FAM193A: variants seen among roughly 807,000 people sequenced by gnomAD.
The protein encoded by FAM193A is family with sequence similarity 193 member A.
FAM193A carries 22 observed loss-of-function variants against 126.5 expected under a neutral mutation model. The observed-to-expected ratio is 0.17, with a 90% CI of 0.12 to 0.25. The LOEUF is 0.25. Ranked by LOEUF, FAM193A falls within the 10% of genes least tolerant of loss-of-function variation. FAM193A has a pLI of 1.00. For synonymous variants in FAM193A, 761 were observed against 646.8 expected (o/e 1.18, Z -2.68); for missense variants, 1,675 against 1,672.8 (o/e 1.00, Z -0.02).
chr4:2,682,348 G>T (rs1266373881), intron 13 of FAM193A, among the ~76,000 whole-genome samples: 1 of 151,984 alleles, frequency 6.6e-6, no homozygotes, highest in East Asian at 1.9e-4. Flanking sequence ...TTTATTTTTA[G>T]AGATGGACTC....
chr4:2,651,173 A>G (rs1745625776), intron 7 of FAM193A, among the ~76,000 whole-genome samples: 1 of 152,194 alleles, frequency 6.6e-6, no homozygotes, highest in African/African-American at 2.4e-5. Context: ...TCTACTAAAA[A>G]TACAAAATTA....
At position 2,693,864 on chromosome 4, in the gene FAM193A, A is replaced by C. The variant is rs772580373; in HGVS notation, c.3082A>C (p.Ser1028Arg). 6.2e-7 allele frequency: 1 copy of C among 1,613,354 alleles called. No individual in the cohort carries two copies. The highest frequency in any genetic ancestry group is 1.1e-5 in the South Asian group (1 of 91,006). The change falls in exon 16 of 21, where the codon AGT (serine) becomes CGT (arginine). Residue 1028 changes from serine (S) to arginine (R), a missense_variant. Physicochemically the swap from Ser to Arg is moderately radical, Grantham distance 110. This residue lies in a region of FAM193A where 1,186 missense variants were observed against 1,109.2 expected (regional missense o/e 1.07). Coordinates refer to ENST00000637812, the MANE Select transcript of FAM193A (RefSeq NM_001366318.2). ...AGATGGCTCCATTAGCGCCCCTCCAAGTGTCTGCAGGTGAGCCAAGTCCTG... is the reference window on the plus strand; with the variant it reads ...AGATGGCTCCATTAGCGCCCCTCCACGTGTCTGCAGGTGAGCCAAGTCCTG... ...ATDGSISAPP[S>R]VCSDPDCEGH...
chr4:2,608,262 T>A, intron 2 of FAM193A: 1 of 725,466 alleles, frequency 1.4e-6, no homozygotes, highest in Non-Finnish European at 2.2e-6. Flanking sequence ...CTCTGCAGCC[T>A]TCACCTCCTG....
intron 5 of FAM193A, among the ~76,000 whole-genome samples, 185 bp from the exon 6 acceptor site, chr4:2,639,550 T>A (rs1196027624): frequency 6.7e-6 from 1 of 149,464 alleles, no homozygotes; most frequent in Non-Finnish European, 1.5e-5. Context: ...AGAGTTCTGA[T>A]GCACTGTGTG....
At position 2,547,604 on chromosome 4, in the gene FAM193A, C is replaced by CTGTGTGTGTGTGTGTGTCTGTG. The variant is rs1553884201; in HGVS notation, c.255+10451_255+10452insCTGTGTGTGTGTGTGTGTGTGT. ...GACCTTAGTATGTGTGTGTGTGTGTCTGTGTGTGTGTGTGTGTGTGTATGT... is the reference window on the plus strand; with the variant it reads ...GACCTTAGTATGTGTGTGTGTGTGTCTGTGTGTGTGTGTGTGTCTGTGTGTGTGTGTGTGTGTGTGTGTATGT... On this transcript the variant is annotated intron_variant, in intron 1 of 20. Transcript: ENST00000637812. 6.2e-3 allele frequency among the ~76,000 whole-genome samples: 902 copies of CTGTGTGTGTGTGTGTGTCTGTG among 144,898 alleles called. 4 individuals are homozygous for CTGTGTGTGTGTGTGTGTCTGTG. The highest frequency in any genetic ancestry group is 0.022 in the African/African-American group (854 of 39,128).
chr4:2,663,360 T>A, intron 12 of FAM193A, 72 bp downstream of exon 12: 1 of 1,207,602 alleles, frequency 8.3e-7, no homozygotes. Flanking sequence ...TGAGCATTAC[T>A]GAATACAAAA....
rs1736906709 is a variant in FAM193A, at chr4:2,536,871, G to GCCCGCGGCC, written c.-38_-30dup. ...CCCGCCTTCCCCGCCCTCCGCCGCC[G>GCCCGCGGCC]CCCGCGGCCCCCGCGCCCGCTCTGC... On this transcript the variant is annotated 5_prime_UTR_variant, in exon 1 of 21. Coordinates refer to ENST00000637812, the MANE Select transcript of FAM193A (RefSeq NM_001366318.2). 6.8e-6 allele frequency: 1 copy of GCCCGCGGCC among 146,374 alleles called. No individual in the cohort carries two copies. Among genetic ancestry groups the GCCCGCGGCC allele is most frequent in the African/African-American group, 2.5e-5 (1 of 40,504 alleles). The allele number at this position is 146,374 out of a possible 1,614,324, so 9.1% of individuals were successfully genotyped here.
In FAM193A at chr4:2,699,443, C is replaced by CA. The variant is rs902240155; in HGVS notation, c.3508-237_3508-236insA. Among the ~76,000 whole-genome samples, 49 of 86,190 alleles carry CA rather than the reference C, an allele frequency of 5.7e-4. 4 individuals carry two copies. In the South Asian group the frequency reaches 8.5e-3, roughly 15 times the overall value. 56.5% of individuals were successfully genotyped at this position (86,190 alleles called of 152,430 possible). A position where few individuals can be genotyped will look rare whatever the true frequency, so the allele number is the denominator to read the frequency against. ...AATTTTTTGTTAACTACCACCCCCCCCCCCACACACACACACACAAATAAG... is the reference window on the plus strand; with the variant it reads ...AATTTTTTGTTAACTACCACCCCCCCACCCCACACACACACACACAAATAAG... On this transcript the variant is annotated intron_variant, in intron 18 of 20. Coordinates refer to ENST00000637812, the MANE Select transcript of FAM193A (RefSeq NM_001366318.2).
At chr4:2,634,857 G>A (rs1743936272) in intron 5 of FAM193A, among the ~76,000 whole-genome samples, 1 of 152,174 alleles carries the variant, frequency 6.6e-6, no homozygotes, top group Admixed American at 6.5e-5. Context: ...GTTATAATGT[G>A]TAATTCTGGA....
chr4:2,647,713 CT>C (rs1286303555), intron 7 of FAM193A, among the ~76,000 whole-genome samples: 5 of 152,144 alleles, frequency 3.3e-5, no homozygotes, highest in Non-Finnish European at 5.9e-5. Flanking sequence ...GCCTGCTCTC[CT>C]AAAGCAGGGT....
intron 6 of FAM193A, 56 bp downstream of exon 6, chr4:2,639,915 C>A: frequency 6.4e-7 from 1 of 1,565,422 alleles, no homozygotes; most frequent in Non-Finnish European, 8.7e-7. Context: ...GTCTTTTCTC[C>A]TGACTGGTGT....
At position 2,630,952 on chromosome 4, in the gene FAM193A, C is replaced by T; in HGVS notation, c.821C>T (p.Pro274Leu). 6.2e-7 allele frequency: 1 copy of T among 1,604,224 alleles called. No homozygotes were observed. The highest frequency in any genetic ancestry group is 8.5e-7 in the Non-Finnish European group (1 of 1,172,320). The change falls in exon 5 of 21, where the codon CCC (proline) becomes CTC (leucine). Residue 274 changes from proline to leucine, a missense_variant. Pro to Leu is a moderately conservative substitution (Grantham distance 98). This residue lies in a region of FAM193A where 1,186 missense variants were observed against 1,109.2 expected (regional missense o/e 1.07). Transcript: ENST00000637812. ...CTGTGCAGGCTCTGCGAGAGGGACC[C>T]CTACCAGCTGTACCAGCGTCTGGAA... ...ELVDRLCERD[P>L]YQLYQRLEQQ...
intron 1 of FAM193A, among the ~76,000 whole-genome samples, chr4:2,557,418 C>A (rs1265725052): frequency 1.3e-5 from 2 of 152,194 alleles, no homozygotes; most frequent in African/African-American, 4.8e-5. Flanking sequence ...AAGAAATTAG[C>A]ATTGGTACAA....
chr4:2,710,926 A>G (rs989444518), intron 19 of FAM193A, among the ~76,000 whole-genome samples: 13 of 141,988 alleles, frequency 9.2e-5, no homozygotes, highest in Non-Finnish European at 1.9e-4. Context: ...ATCTTGGCTC[A>G]CTGCAAACTC....
At chr4:2,701,457 G>T (rs1717723426) in intron 19 of FAM193A, among the ~76,000 whole-genome samples, 1 of 151,908 alleles carries the variant, frequency 6.6e-6, no homozygotes, top group Non-Finnish European at 1.5e-5. Flanking sequence ...CTTGGTCAGG[G>T]TGCATGCCCC....
intron 1 of FAM193A, among the ~76,000 whole-genome samples, chr4:2,575,659 G>A (rs1265808910): frequency 6.6e-6 from 1 of 151,928 alleles, no homozygotes; most frequent in Non-Finnish European, 1.5e-5. Flanking sequence ...TAGAGACGGG[G>A]ATTCACCATG....
At chr4:2,609,953 T>C (rs969570451) in intron 2 of FAM193A, among the ~76,000 whole-genome samples, 1 of 147,988 alleles carries the variant, frequency 6.8e-6, no homozygotes, top group Admixed American at 6.8e-5. Flanking sequence ...GTTTGCTGGC[T>C]GGGCGCAGTG....
At chr4:2,550,860 G>A (rs999375024) in intron 1 of FAM193A, among the ~76,000 whole-genome samples, 2 of 150,044 alleles carry the variant, frequency 1.3e-5, no homozygotes, top group Non-Finnish European at 3.0e-5. Flanking sequence ...GAGTGCAGTG[G>A]CGCCATCTCG....
chr4:2,662,599 A>G lies in FAM193A; in HGVS notation c.1746-239A>G, dbSNP rs545155819. Among the ~76,000 whole-genome samples, 3 of 152,166 alleles carry G rather than the reference A, an allele frequency of 2.0e-5. No individual in the cohort carries two copies. The South Asian group carries it at 6.2e-4, about 32-fold the overall frequency. On this transcript the variant is annotated intron_variant, in intron 10 of 20. Coordinates refer to ENST00000637812, the MANE Select transcript of FAM193A (RefSeq NM_001366318.2). ...GTTTCCTTAATATTTCTACTTTTGG[A>G]GGTTTTTCTGTTTGTTTTTTGTTTT...
Sources: gnomAD v4.1 joint callset for allele counts (sites outside exome capture counted in the v4.1 genomes callset) on GRCh38, gnomAD v4.1.1 for gene constraint, gnomAD v4.1.1 regional missense constraint, MANE v1.5 for transcripts, NCBI Gene and HGNC (gene_info 2026-07-23, HGNC 2026-07-21) for gene names.